SCGB1C1: variants seen among roughly 807,000 people sequenced by gnomAD.
SCGB1C1 encodes the protein secretoglobin family 1C member 1, also known as ligand binding protein RYD5.
SCGB1C1 carries 2 observed loss-of-function variants against 8.9 expected under a neutral mutation model. The ratio of observed to expected loss-of-function variants is 0.23; its 90% confidence interval spans 0.09 to 0.71. SCGB1C1 has a LOEUF of 0.71. SCGB1C1 is among the 30% of genes least tolerant of loss of function. The pLI, the probability that SCGB1C1 is intolerant of heterozygous loss-of-function variation, is 0.78. For synonymous variants in SCGB1C1, 6 were observed against 45.8 expected (o/e 0.13, Z 3.51); for missense variants, 25 against 112.7 (o/e 0.22, Z 3.52).
At chr11:190,341 T>A (rs1854776950), upstream of SCGB1C1, among the ~76,000 whole-genome samples, 2 of 137,546 alleles carry the variant, frequency 1.5e-5, no homozygotes, top group African/African-American at 5.1e-5. Context: ...TTAAGCCCCA[T>A]CAGTTCTGTA....
chr11:191,676 C>G (rs1854809499), upstream of SCGB1C1, among the ~76,000 whole-genome samples: 1 of 152,106 alleles, frequency 6.6e-6, no homozygotes, highest in Non-Finnish European at 1.5e-5. Flanking sequence ...GATAGCACAG[C>G]TGGTCTATAT....
chr11:194,069 T>C (rs1272198036), intron 2 of SCGB1C1, among the ~76,000 whole-genome samples, 158 bp downstream of exon 2: 1 of 134,336 alleles, frequency 7.4e-6, no homozygotes, highest in Non-Finnish European at 1.6e-5. Context: ...AGACCTCCTG[T>C]CCACCGAGCA....
chr11:189,440 C>T (rs1186076237), upstream of SCGB1C1, among the ~76,000 whole-genome samples: 13 of 149,314 alleles, frequency 8.7e-5, no homozygotes, highest in Admixed American at 4.0e-4. Flanking sequence ...CGCGCCGGCG[C>T]AGGCGCACAG....
chr11:192,726 A>G (rs1854834737), upstream of SCGB1C1, among the ~76,000 whole-genome samples: 1 of 150,938 alleles, frequency 6.6e-6, no homozygotes, highest in Admixed American at 6.6e-5. Flanking sequence ...GCACCTTAAA[A>G]GAAAGGCGTG....
upstream of SCGB1C1, among the ~76,000 whole-genome samples, chr11:192,355 G>T (rs1168417290): frequency 6.6e-6 from 1 of 151,648 alleles, no homozygotes; most frequent in Non-Finnish European, 1.5e-5. Flanking sequence ...CTTCAACCTG[G>T]GGGGTTGAAC....
At chr11:194,305 T>C (rs1211433411) in intron 2 of SCGB1C1, 113 bp from the exon 3 acceptor site, 2 of 831,880 alleles carry the variant, frequency 2.4e-6, no homozygotes, top group East Asian at 2.5e-5. Flanking sequence ...TGGGAGGAGA[T>C]AGGCAGCAAT....
At chr11:189,040 GGACA>G (rs1468595314), upstream of SCGB1C1, among the ~76,000 whole-genome samples, 2 of 101,080 alleles carry the variant, frequency 2.0e-5, no homozygotes, top group Non-Finnish European at 4.2e-5. Flanking sequence ...TTTGGACAAA[GGACA>G]GACAGCACTC....
chr11:188,200 G>A, upstream of SCGB1C1, among the ~76,000 whole-genome samples: 1 of 152,198 alleles, frequency 6.6e-6, no homozygotes, highest in East Asian at 1.9e-4. Flanking sequence ...ACCCGCACAT[G>A]TTGTGTGGCA....
At chr11:194,264 C>T (rs1854877562) in intron 2 of SCGB1C1, among the ~76,000 whole-genome samples, 154 bp from the exon 3 acceptor site, 1 of 145,260 alleles carries the variant, frequency 6.9e-6, no homozygotes, top group Non-Finnish European at 1.5e-5. Context: ...GTGTGCACAC[C>T]ATCACATGTG....
upstream of SCGB1C1, among the ~76,000 whole-genome samples, chr11:189,536 G>A (rs1854741763): frequency 3.2e-5 from 1 of 31,412 alleles, no homozygotes; most frequent in Non-Finnish European, 6.8e-5. Context: ...GACGCACGTC[G>A]TTAGGCTGTG....
At chr11:192,009 G>C (rs1384106518), upstream of SCGB1C1, among the ~76,000 whole-genome samples, 2 of 152,224 alleles carry the variant, frequency 1.3e-5, no homozygotes, top group Admixed American at 1.3e-4. Context: ...CCTATCCCTA[G>C]CCTTAGTGCC....
chr11:191,855 CCCCT>C (rs1854815783), upstream of SCGB1C1, among the ~76,000 whole-genome samples: 5 of 16,226 alleles, frequency 3.1e-4, no homozygotes, highest in African/African-American at 6.5e-4. Context: ...CTAACCCTAA[CCCCT>C]AACCCCTAAC....
At chr11:192,180 G>A (rs1854825766), upstream of SCGB1C1, among the ~76,000 whole-genome samples, 1 of 149,180 alleles carries the variant, frequency 6.7e-6, no homozygotes, top group African/African-American at 2.5e-5. Flanking sequence ...CAGCCACTAG[G>A]TGGCAGCAGG....
chr11:191,907 C>T (rs1228287401), upstream of SCGB1C1, among the ~76,000 whole-genome samples: 1 of 151,116 alleles, frequency 6.6e-6, no homozygotes, highest in Non-Finnish European at 1.5e-5. Context: ...TAACCCCTAA[C>T]CCTTACCGGT....
At chr11:191,869 CCCTAACCCTAA>C (rs1279253259), upstream of SCGB1C1, among the ~76,000 whole-genome samples, 2 of 8,122 alleles carry the variant, frequency 2.5e-4, no homozygotes, top group East Asian at 7.2e-3. Context: ...TAACCCCTAA[CCCTAACCCTAA>C]CCCTAACCCC....
chr11:191,801 C>A (rs1590062449), upstream of SCGB1C1, among the ~76,000 whole-genome samples: 1 of 134,400 alleles, frequency 7.4e-6, no homozygotes, highest in South Asian at 2.2e-4. Context: ...ACCCCAAAAC[C>A]TAACCCTAAC....
chr11:189,637 C>T (rs1318533318), upstream of SCGB1C1, among the ~76,000 whole-genome samples: 3 of 152,368 alleles, frequency 2.0e-5, no homozygotes, highest in South Asian at 2.1e-4. Flanking sequence ...CAGAGACGCA[C>T]GTCCTCGGGG....
chr11:193,689 G>A (rs372720989), intron 1 of SCGB1C1, 23 bp from the exon 2 acceptor site: 6 of 1,611,626 alleles, frequency 3.7e-6, no homozygotes, highest in South Asian at 1.1e-5. Context: ...TCCTGTCCTG[G>A]CATCATCTCG....
chr11:194,510 G>A lies in SCGB1C1; in HGVS notation c.*60G>A, dbSNP rs760467038. On this transcript the variant is annotated 3_prime_UTR_variant, in exon 3 of 3. Transcript: ENST00000342878. ...CCACACAAGCAGCCGTGGACACAAC[G>A]CCCACTACCACCTCCCACATGGAAA... 3.4e-6 allele frequency: 2 copies of A among 584,030 alleles called. No homozygotes were observed. The highest frequency in any genetic ancestry group is 6.1e-6 in the Non-Finnish European group (2 of 328,912). 36.2% of individuals were successfully genotyped at this position (584,030 alleles called of 1,614,324 possible). A position where few individuals can be genotyped will look rare whatever the true frequency, so the allele number is the denominator to read the frequency against.
Sources: allele counts gnomAD v4.1 joint callset (sites outside exome capture counted in the v4.1 genomes callset), GRCh38; gene constraint gnomAD v4.1.1; transcripts MANE v1.5; gene names NCBI Gene and HGNC (gene_info 2026-07-23, HGNC 2026-07-21).